ANKS1B: variants seen among roughly 807,000 people sequenced by gnomAD.
The protein encoded by ANKS1B is ankyrin repeat and sterile alpha motif domain-containing protein 1B.
ANKS1B carries 36 observed loss-of-function variants against 148.3 expected under a neutral mutation model. The observed-to-expected ratio is 0.24, with a 90% CI of 0.19 to 0.32. The LOEUF is 0.32. ANKS1B is among the 10% of genes least tolerant of loss of function. The probability of loss-of-function intolerance (pLI) is 1.00; values close to 1 mark genes in which losing one functional copy is unlikely to be tolerated. For synonymous variants in ANKS1B, 542 were observed against 560.8 expected (o/e 0.97, Z 0.47); for missense variants, 1,157 against 1,542.6 (o/e 0.75, Z 4.19).
At chr12:99,305,752 C>A (rs567927819) in intron 12 of ANKS1B, among the ~76,000 whole-genome samples, 87 of 152,120 alleles carry the variant, frequency 5.7e-4, no homozygotes, top group African/African-American at 2.0e-3. Flanking sequence ...ATCAAAGAAG[C>A]CCAGGGTAGG....
chr12:98,827,510 T>A (rs1046272973), intron 19 of ANKS1B, among the ~76,000 whole-genome samples: 1 of 152,184 alleles, frequency 6.6e-6, no homozygotes, highest in African/African-American at 2.4e-5. Context: ...TCATAAGGGA[T>A]GCATTTCTGA....
intron 25 of ANKS1B, among the ~76,000 whole-genome samples, chr12:98,770,669 A>G (rs2098554259): frequency 6.6e-6 from 1 of 151,910 alleles, no homozygotes; most frequent in Non-Finnish European, 1.5e-5. Context: ...ATCTTTCTTT[A>G]AAAACCAAAA....
intron 17 of ANKS1B, among the ~76,000 whole-genome samples, chr12:98,898,267 A>G (rs543909130): frequency 6.6e-6 from 1 of 152,250 alleles, no homozygotes; most frequent in Admixed American, 6.5e-5. Context: ...TAACTTCATC[A>G]TGGCACTAAT....
intron 14 of ANKS1B, among the ~76,000 whole-genome samples, chr12:99,181,276 C>T (rs1195197290): frequency 6.6e-6 from 1 of 151,980 alleles, no homozygotes; most frequent in Non-Finnish European, 1.5e-5. Context: ...ATACCTTGCT[C>T]ACAGAATAAA....
chr12:99,893,398 G>A (rs1226240278), intron 1 of ANKS1B, among the ~76,000 whole-genome samples: 8 of 132,618 alleles, frequency 6.0e-5, no homozygotes, highest in Non-Finnish European at 7.9e-5. Flanking sequence ...GAGACAGAGC[G>A]AGACTCCATC....
At chr12:99,683,683 A>C (rs11109994) in intron 8 of ANKS1B, among the ~76,000 whole-genome samples, 26,046 of 152,002 alleles carry the variant, frequency 0.17, 3,154 homozygotes, top group East Asian at 0.46. Context: ...AAAAGAAAAC[A>C]AAAAACCAAT....
chr12:99,974,881 A>G (rs770161478), intron 1 of ANKS1B, among the ~76,000 whole-genome samples: 15 of 152,112 alleles, frequency 9.9e-5, no homozygotes, highest in Non-Finnish European at 2.2e-4. Context: ...GGTGTCTAGC[A>G]TGGTCAATCC....
At chr12:99,099,063 G>T in intron 15 of ANKS1B, among the ~76,000 whole-genome samples, 1 of 152,014 alleles carries the variant, frequency 6.6e-6, no homozygotes, top group Non-Finnish European at 1.5e-5. Context: ...TCTATCTTTA[G>T]TCCTGCCCAA....
chr12:99,964,163 C>A (rs1428874005), intron 1 of ANKS1B, among the ~76,000 whole-genome samples: 1 of 152,110 alleles, frequency 6.6e-6, no homozygotes, highest in Non-Finnish European at 1.5e-5. Flanking sequence ...TGCTGACCAG[C>A]CTATCAAATT....
intron 12 of ANKS1B, among the ~76,000 whole-genome samples, chr12:99,369,732 A>G (rs2092982387): frequency 6.6e-6 from 1 of 151,010 alleles, no homozygotes; most frequent in African/African-American, 2.4e-5. Flanking sequence ...ATAGACAGAT[A>G]GATAAATGGA....
chr12:99,513,713 A>C (rs1324352217), intron 9 of ANKS1B, among the ~76,000 whole-genome samples: 2 of 151,904 alleles, frequency 1.3e-5, no homozygotes, highest in Admixed American at 1.3e-4. Context: ...ATTATACCTC[A>C]AACACATTTA....
intron 1 of ANKS1B, among the ~76,000 whole-genome samples, chr12:99,894,544 G>A (rs117345780): frequency 0.012 from 1,801 of 147,444 alleles, 29 homozygotes; most frequent in South Asian, 0.046. Flanking sequence ...GGTACAAATC[G>A]TGCTTGATTT....
chr12:99,502,731 G>T (rs2096667698), intron 10 of ANKS1B, among the ~76,000 whole-genome samples: 4 of 152,120 alleles, frequency 2.6e-5, no homozygotes, highest in Admixed American at 1.3e-4. Flanking sequence ...ATGGAATAAT[G>T]CATATAAAGC....
intron 17 of ANKS1B, among the ~76,000 whole-genome samples, chr12:98,879,655 C>A (rs999495106): frequency 2.0e-5 from 3 of 152,044 alleles, no homozygotes; most frequent in African/African-American, 7.3e-5. Context: ...ATTTGAGAAA[C>A]CTTCGTTGAA....
intron 17 of ANKS1B, among the ~76,000 whole-genome samples, chr12:98,849,330 C>T (rs1220357119): frequency 6.6e-6 from 1 of 151,916 alleles, no homozygotes; most frequent in Admixed American, 6.6e-5. Context: ...TTGAAGCCTC[C>T]CTGCAGGAAA....
intron 25 of ANKS1B, among the ~76,000 whole-genome samples, chr12:98,761,057 C>T (rs2098394945): frequency 6.6e-6 from 1 of 152,194 alleles, no homozygotes; most frequent in African/African-American, 2.4e-5. Flanking sequence ...GAATGACCAT[C>T]CTCATTTTAC....
At chr12:99,649,353 T>C in intron 9 of ANKS1B, 1 of 1,614,180 alleles carries the variant, frequency 6.2e-7, no homozygotes, top group Non-Finnish European at 8.5e-7. Flanking sequence ...ACATGAATGC[T>C]GAAATGTTTG....
rs1310089287 is a variant in ANKS1B, at chr12:99,806,624, T to A, written c.449A>T (p.Glu150Val). 6.2e-7 allele frequency: 1 copy of A among 1,613,994 alleles called. No homozygotes were observed. The change falls in exon 4 of 27, where the codon GAG becomes GTG. Residue 150 changes from glutamate (E) to valine (V), a missense_variant. This residue lies in a region of ANKS1B where 164 missense variants were observed against 232.6 expected (regional missense o/e 0.71). Coordinates refer to ENST00000683438, the MANE Select transcript of ANKS1B (RefSeq NM_001352186.2). ...ATTTCTAATTGTCGGGTCAGTGAGC[T>A]CTTCTAGGAGAACAGCAACTACTTC... ...HSEVVAVLLE[E>V]LTDPTIRNSK...
At chr12:99,221,354 T>G (rs1210394021) in intron 14 of ANKS1B, among the ~76,000 whole-genome samples, 1 of 151,752 alleles carries the variant, frequency 6.6e-6, no homozygotes, top group Admixed American at 6.6e-5. Flanking sequence ...TAAAATAAAA[T>G]AAAATAAAAT....
Sources: gnomAD v4.1 joint callset for allele counts (sites outside exome capture counted in the v4.1 genomes callset) on GRCh38, gnomAD v4.1.1 for gene constraint, gnomAD v4.1.1 regional missense constraint, MANE v1.5 for transcripts, NCBI Gene and HGNC (gene_info 2026-07-23, HGNC 2026-07-21) for gene names.